The following TTLL5 variants were observed in gnomAD, a reference collection of about 807,000 sequenced individuals.
TTLL5 encodes tubulin tyrosine ligase like 5, also known as tubulin polyglutamylase TTLL5.
TTLL5 carries 132 observed loss-of-function variants against 168.4 expected under a neutral mutation model. The observed-to-expected ratio is 0.78, with a 90% CI of 0.68 to 0.91. TTLL5 has a LOEUF of 0.91. Among genes scored for constraint, TTLL5 ranks in the 40% least tolerant of loss-of-function variants. The pLI is 0.00. For synonymous variants in TTLL5, 546 were observed against 558.6 expected, an observed-to-expected ratio of 0.98 and a Z score of 0.32; for missense variants, 1,545 against 1,581.5, an observed-to-expected ratio of 0.98 and a Z score of 0.39.
At chr14:75,824,560 A>G (rs1895013182) in intron 28 of TTLL5, among the ~76,000 whole-genome samples, 2 of 152,234 alleles carry the variant, frequency 1.3e-5, no homozygotes, top group South Asian at 4.2e-4. Flanking sequence ...GGTGGTTGCC[A>G]AGGGCTGGGG....
chr14:75,707,519 T>G (rs1260522488), intron 8 of TTLL5, 104 bp from the exon 9 acceptor site: 1 of 914,836 alleles, frequency 1.1e-6, no homozygotes, highest in Non-Finnish European at 1.7e-6. Context: ...ATGTGGAGTG[T>G]AGGAATGTTC....
At chr14:75,794,901 C>A (rs1892917841) in intron 27 of TTLL5, among the ~76,000 whole-genome samples, 1 of 152,098 alleles carries the variant, frequency 6.6e-6, no homozygotes, top group African/African-American at 2.4e-5. Context: ...GTTCATGCCA[C>A]TGTTCTGTCA....
intron 31 of TTLL5, among the ~76,000 whole-genome samples, chr14:75,926,061 C>CGTGGGCT (rs2034049128): frequency 7.0e-6 from 1 of 143,552 alleles, no homozygotes; most frequent in South Asian, 2.2e-4. Context: ...AGAGGGAGAC[C>CGTGGGCT]GTGGGCCGTG....
At chr14:75,796,564 A>C (rs1219112483) in intron 27 of TTLL5, among the ~76,000 whole-genome samples, 1 of 152,006 alleles carries the variant, frequency 6.6e-6, no homozygotes, top group Non-Finnish European at 1.5e-5. Flanking sequence ...CAGGTCTTAG[A>C]TTTAAGTCTT....
At chr14:75,798,088 T>C (rs1800605491) in intron 27 of TTLL5, among the ~76,000 whole-genome samples, 2 of 152,212 alleles carry the variant, frequency 1.3e-5, no homozygotes, top group East Asian at 1.9e-4. Flanking sequence ...CTTCTTTTTA[T>C]TGGCAATTTT....
intron 20 of TTLL5, among the ~76,000 whole-genome samples, chr14:75,768,601 G>C (rs1891099597): frequency 6.6e-6 from 1 of 152,080 alleles, no homozygotes; most frequent in Non-Finnish European, 1.5e-5. Flanking sequence ...TGGTAGAGAA[G>C]AGTACTAAAG....
intron 12 of TTLL5, among the ~76,000 whole-genome samples, chr14:75,721,727 C>G (rs1887849620): frequency 6.6e-6 from 1 of 152,158 alleles, no homozygotes; most frequent in African/African-American, 2.4e-5. Context: ...ACGCAAAGCA[C>G]TTGACACAAT....
intron 15 of TTLL5, among the ~76,000 whole-genome samples, chr14:75,739,757 A>T (rs138986181): frequency 1.3e-4 from 20 of 152,322 alleles, no homozygotes; most frequent in African/African-American, 4.8e-4. Context: ...ATATACATGA[A>T]GTTACAGTGA....
chr14:75,909,999 T>A (rs2033305704), intron 31 of TTLL5, among the ~76,000 whole-genome samples: 1 of 152,146 alleles, frequency 6.6e-6, no homozygotes, highest in Admixed American at 6.5e-5. Flanking sequence ...TGGCTTTTAG[T>A]TTGGGGGAGA....
chr14:75,699,555 A>G (rs146221414), intron 7 of TTLL5, among the ~76,000 whole-genome samples: 105 of 152,298 alleles, frequency 6.9e-4, no homozygotes, highest in African/African-American at 2.3e-3. Context: ...TGCTTTTAGC[A>G]TATTGTGATG....
chr14:75,872,848 T>C (rs1166522707), intron 29 of TTLL5, among the ~76,000 whole-genome samples: 2 of 150,402 alleles, frequency 1.3e-5, no homozygotes, highest in Admixed American at 6.6e-5. Context: ...GAGGCGGAGG[T>C]TGCAGTGAGC....
At chr14:75,713,290 ATACT>A (rs1887219447) in intron 9 of TTLL5, among the ~76,000 whole-genome samples, 1 of 152,216 alleles carries the variant, frequency 6.6e-6, no homozygotes, top group South Asian at 2.1e-4. Flanking sequence ...AGATACACAA[ATACT>A]TACCATTGTG....
chr14:75,924,986 A>C (rs1475616148), intron 31 of TTLL5, among the ~76,000 whole-genome samples: 1 of 132,554 alleles, frequency 7.5e-6, no homozygotes, highest in African/African-American at 3.0e-5. Context: ...TCACTCCCGG[A>C]CGGGGCGGCA....
chr14:75,811,365 A>G (rs569226842), intron 27 of TTLL5, among the ~76,000 whole-genome samples: 2 of 151,826 alleles, frequency 1.3e-5, no homozygotes, highest in East Asian at 3.9e-4. Flanking sequence ...ATCTTCTATG[A>G]CGCGAAGCTT....
At position 75,717,966 on chromosome 14, in the gene TTLL5, C is replaced by G. The variant is rs1018754407; in HGVS notation, c.842+4C>G. The G allele has an allele frequency of 5.0e-6, 8 of 1,612,352 alleles. No individual in the cohort carries two copies. In the African/African-American group the frequency reaches 1.1e-4, roughly 22 times the overall value. On this transcript the variant is annotated splice_donor_region_variant and intron_variant, in intron 10 of 31. Transcript: ENST00000298832. ...AGAAAAGTGGAGATTACGTCAGGTA[C>G]TGGCTGTGTCTGAGCCAGAAGTCAG...
Position 75,731,908 on chromosome 14 carries a change from A to AGTT in TTLL5, c.1043-428_1043-426dup, listed in dbSNP as rs554649404. On this transcript the variant is annotated intron_variant, in intron 12 of 31. Transcript: ENST00000298832. ...CTTCAGGAGATGTTTCTGTTTTCAAAGTTGGCAGGGAGGGATTGGGGAAGG... is the reference window on the plus strand; with the variant it reads ...CTTCAGGAGATGTTTCTGTTTTCAAAGTTGTTGGCAGGGAGGGATTGGGGAAGG... 1.6e-3 allele frequency among the ~76,000 whole-genome samples: 248 copies of AGTT among 152,142 alleles called. 5 individuals carry two copies. Among genetic ancestry groups the AGTT allele is most frequent in the African/African-American group, 5.5e-3 (230 of 41,512 alleles).
In TTLL5 at chr14:75,719,752, T is replaced by C. The variant is rs1189352859; in HGVS notation, c.860T>C (p.Val287Ala). 3.7e-6 allele frequency: 6 copies of C among 1,611,158 alleles called. No homozygotes were observed. Among genetic ancestry groups the C allele is most frequent in the Non-Finnish European group, 5.1e-6 (6 of 1,179,112 alleles). The change falls in exon 11 of 32, where the codon GTG becomes GCG. Residue 287 changes from valine (V) to alanine (A), a missense_variant. By Grantham distance (64) the Val-to-Ala change is moderately conservative (BLOSUM62 0). Transcript: ENST00000298832. Reference sequence around the variant, plus strand: ...TGTTTTAGTTGTGACGATCCAGAAGTGGAGGATTATGGAAACAAATGGAGC... The same window carrying C: ...TGTTTTAGTTGTGACGATCCAGAAGCGGAGGATTATGGAAACAAATGGAGC... ...GDYVSCDDPEVEDYGNKWSMS... is the reference protein window; with the variant it reads ...GDYVSCDDPEAEDYGNKWSMS...
intron 29 of TTLL5, among the ~76,000 whole-genome samples, chr14:75,881,885 A>G (rs1460715525): frequency 1.3e-5 from 2 of 152,196 alleles, no homozygotes; most frequent in African/African-American, 4.8e-5. Context: ...TTAAGCATCT[A>G]CTTGAAGGAA....
intron 21 of TTLL5, among the ~76,000 whole-genome samples, chr14:75,773,903 A>ATACATATATAT (rs1194006811): frequency 5.4e-5 from 4 of 74,732 alleles, no homozygotes; most frequent in African/African-American, 8.4e-5. Flanking sequence ...AAAAAAAAAA[A>ATACATATATAT]ATACATATAT....
Sources: allele counts gnomAD v4.1 joint callset (sites outside exome capture counted in the v4.1 genomes callset), GRCh38; gene constraint gnomAD v4.1.1; transcripts MANE v1.5; gene names NCBI Gene and HGNC (gene_info 2026-07-23, HGNC 2026-07-21).